The following FAM171B variants were observed in gnomAD, a reference collection of about 807,000 sequenced individuals.
The protein encoded by FAM171B is family with sequence similarity 171 member B.
FAM171B carries 19 observed loss-of-function variants against 75.6 expected under a neutral mutation model. That is an observed-to-expected ratio of 0.25 (90% confidence interval 0.18 to 0.37). The LOEUF is 0.37. Among genes scored for constraint, FAM171B ranks in the 10% least tolerant of loss-of-function variants. The probability of loss-of-function intolerance (pLI) is 1.00; values close to 1 mark genes in which losing one functional copy is unlikely to be tolerated. For synonymous variants in FAM171B, 367 were observed against 361.7 expected (o/e 1.01, Z -0.17); for missense variants, 848 against 982.4 (o/e 0.86, Z 1.83).
chr2:186,728,585 TA>T (rs1314314207), intron 1 of FAM171B, among the ~76,000 whole-genome samples: 1 of 152,218 alleles, frequency 6.6e-6, no homozygotes, highest in African/African-American at 2.4e-5. Context: ...TAAAACTCAA[TA>T]AAAATTTTGA....
intron 4 of FAM171B, among the ~76,000 whole-genome samples, chr2:186,747,908 T>A (rs1190395957): frequency 6.6e-6 from 1 of 152,128 alleles, no homozygotes; most frequent in Non-Finnish European, 1.5e-5. Flanking sequence ...CCTCTGTACA[T>A]CCACACTTGT....
intron 1 of FAM171B, among the ~76,000 whole-genome samples, chr2:186,723,490 C>T (rs979509348): frequency 2.0e-5 from 3 of 152,006 alleles, no homozygotes; most frequent in Non-Finnish European, 4.4e-5. Flanking sequence ...TATTTATTCT[C>T]ATTTTTATTG....
At chr2:186,737,520 GT>G (rs1020930289) in intron 1 of FAM171B, among the ~76,000 whole-genome samples, 14 of 152,148 alleles carry the variant, frequency 9.2e-5, no homozygotes, top group African/African-American at 3.4e-4. Context: ...CTAATTTCAA[GT>G]TTTTTGTAGA....
intron 1 of FAM171B, among the ~76,000 whole-genome samples, chr2:186,705,409 C>G (rs1051490095): frequency 6.6e-6 from 1 of 152,060 alleles, no homozygotes; most frequent in South Asian, 2.1e-4. Flanking sequence ...TGTCTGAGTC[C>G]TGCCTCCTAC....
At chr2:186,748,687 C>G (rs1405772060) in intron 4 of FAM171B, among the ~76,000 whole-genome samples, 3 of 152,222 alleles carry the variant, frequency 2.0e-5, no homozygotes, top group African/African-American at 7.2e-5. Context: ...TACTGGCTCC[C>G]TTCCTTCCTG....
intron 1 of FAM171B, among the ~76,000 whole-genome samples, chr2:186,730,078 A>G (rs1181867812): frequency 2.0e-5 from 3 of 152,202 alleles, no homozygotes; most frequent in Non-Finnish European, 4.4e-5. Flanking sequence ...CCCCCGCCTC[A>G]GCCTCCTGAG....
intron 1 of FAM171B, among the ~76,000 whole-genome samples, chr2:186,739,638 G>A (rs1690258300): frequency 6.6e-6 from 1 of 152,158 alleles, no homozygotes; most frequent in Non-Finnish European, 1.5e-5. Flanking sequence ...CAGCATGCAT[G>A]GAAGTGTCAT....
chr2:186,754,834 A>G (rs1053201969), intron 6 of FAM171B, among the ~76,000 whole-genome samples: 1 of 152,150 alleles, frequency 6.6e-6, no homozygotes, highest in Non-Finnish European at 1.5e-5. Context: ...AGTTTTTTAA[A>G]TGATTTTTTT....
In FAM171B at chr2:186,762,061, G is replaced by A. The variant is rs1214240255; in HGVS notation, c.1719G>A (p.Leu573=). 7 of 1,613,584 alleles carry A rather than the reference G, an allele frequency of 4.3e-6. No homozygotes were observed. Among genetic ancestry groups the A allele is most frequent in the Admixed American group, 3.3e-5 (2 of 59,900 alleles). The change falls in exon 8 of 8, where the codon TTG becomes TTA. Residue 573 remains leucine, a synonymous_variant. Coordinates refer to ENST00000304698, the MANE Select transcript of FAM171B (RefSeq NM_177454.4). The surrounding 1 kb of genome is among the most constrained non-coding windows in gnomAD (Gnocchi z 4.0). The part of the protein sequence containing the change: ...PRKGQLVYGQ[L]MEPVNRENFT... The stretch of plus-strand genomic sequence containing the variant: ...AGGGACAGTTAGTCTATGGCCAATT[G>A]ATGGAACCAGTAAATCGAGAGAACT...
chr2:186,751,116 A>C lies in FAM171B; in HGVS notation c.725-18A>C. The C allele has an allele frequency of 1.3e-6, 2 of 1,555,058 alleles. No individual in the cohort carries two copies. Among genetic ancestry groups the C allele is most frequent in the Non-Finnish European group, 1.7e-6 (2 of 1,143,796 alleles). On this transcript the variant is annotated intron_variant, in intron 4 of 7. Transcript: ENST00000304698. Reference sequence around the variant, plus strand: ...CCTCTGTTTACATATGATTTTAATAAACTGTCTTCTTTTATAGGTTTTGAA... The same window carrying C: ...CCTCTGTTTACATATGATTTTAATACACTGTCTTCTTTTATAGGTTTTGAA...
intron 1 of FAM171B, among the ~76,000 whole-genome samples, chr2:186,725,378 T>G (rs1024221798): frequency 6.6e-6 from 1 of 152,068 alleles, no homozygotes; most frequent in Non-Finnish European, 1.5e-5. Context: ...TTTCTCTGTC[T>G]TCTTTTCATC....
chr2:186,747,027 C>T (rs1035932946), intron 3 of FAM171B, 65 bp from the exon 4 acceptor site: 3 of 1,217,614 alleles, frequency 2.5e-6, no homozygotes, highest in South Asian at 1.7e-5. Flanking sequence ...GTAAGACATC[C>T]TGACCAATGC....
At chr2:186,707,844 A>ATC (rs1559081568) in intron 1 of FAM171B, among the ~76,000 whole-genome samples, 3 of 111,754 alleles carry the variant, frequency 2.7e-5, no homozygotes, top group East Asian at 7.2e-4. Context: ...TTTTTTTTAA[A>ATC]AAAAAAAAAA....
chr2:186,708,585 G>A (rs1232833940), intron 1 of FAM171B, among the ~76,000 whole-genome samples: 1 of 152,140 alleles, frequency 6.6e-6, no homozygotes, highest in African/African-American at 2.4e-5. Context: ...TTTCCCAGAA[G>A]AAAGCACACT....
At chr2:186,706,458 G>A (rs1044630940) in intron 1 of FAM171B, among the ~76,000 whole-genome samples, 1 of 152,160 alleles carries the variant, frequency 6.6e-6, no homozygotes, top group Non-Finnish European at 1.5e-5. Flanking sequence ...AAGAGTGAAT[G>A]GCAGGGAGAA....
In FAM171B at chr2:186,751,271, C is replaced by T. The variant is rs149646688; in HGVS notation, c.862C>T (p.Arg288Cys). The T allele has an allele frequency of 6.9e-6, 11 of 1,600,702 alleles. No homozygotes were observed. The highest frequency in any genetic ancestry group is 1.7e-4 in the Middle Eastern group (1 of 6,014). Residue 288 changes from arginine to cysteine, a missense_variant, in exon 5 of 8, where the codon CGC becomes TGC. By Grantham distance (180) the Arg-to-Cys change is radical. This residue lies in a region of FAM171B where 665 missense variants were observed against 729.0 expected (regional missense o/e 0.91). Transcript: ENST00000304698. ...TCTGAATGATATAAGTGCAGGGGAT[C>T]GCATACCTGCTTGGACATTTGATAT... The part of the protein sequence containing the change: ...LRLNDISAGD[R>C]IPAWTFDMNT...
intron 1 of FAM171B, among the ~76,000 whole-genome samples, chr2:186,696,697 T>G (rs1689586359): frequency 6.6e-6 from 1 of 151,902 alleles, no homozygotes; most frequent in Non-Finnish European, 1.5e-5. Flanking sequence ...GCACTTGCCA[T>G]TTTCTCTGCC....
chr2:186,733,062 C>T (rs1466572532), intron 1 of FAM171B, among the ~76,000 whole-genome samples: 1 of 152,204 alleles, frequency 6.6e-6, no homozygotes, highest in African/African-American at 2.4e-5. Flanking sequence ...GGGTCCTCTC[C>T]TGCCTTGCTC....
intron 1 of FAM171B, among the ~76,000 whole-genome samples, chr2:186,708,102 G>T (rs1270057523): frequency 6.6e-6 from 1 of 151,950 alleles, no homozygotes; most frequent in African/African-American, 2.4e-5. Flanking sequence ...ATAATTATTT[G>T]GGTAATTGAA....
Sources: allele counts gnomAD v4.1 joint callset (sites outside exome capture counted in the v4.1 genomes callset), GRCh38; gene constraint gnomAD v4.1.1; regional missense constraint gnomAD v4.1.1; non-coding constraint Gnocchi (gnomAD v3.1); transcripts MANE v1.5; gene names NCBI Gene and HGNC (gene_info 2026-07-23, HGNC 2026-07-21).